Variants in MAP3K1 observed in about 807,000 individuals in gnomAD.
The protein encoded by MAP3K1 is mitogen-activated protein kinase kinase kinase 1, also known as MAP/ERK kinase kinase 1.
A neutral mutation model predicts 144.2 loss-of-function variants in MAP3K1; 36 were observed. The ratio of observed to expected loss-of-function variants is 0.25; its 90% confidence interval spans 0.19 to 0.33. MAP3K1 has a LOEUF of 0.33. MAP3K1 is among the 10% of genes least tolerant of loss of function. The pLI, the probability that MAP3K1 is intolerant of heterozygous loss-of-function variation, is 1.00. For missense variants in MAP3K1, 1,650 were observed against 1,881.9 expected (o/e 0.88, Z 2.28); for synonymous variants, 718 against 688.7 (o/e 1.04, Z -0.67).
At chr5:56,864,217 C>T (rs148782350) in intron 3 of MAP3K1, among the ~76,000 whole-genome samples, 3 of 152,090 alleles carry the variant, frequency 2.0e-5, no homozygotes, top group Admixed American at 6.5e-5. Context: ...AGATATTTAT[C>T]AACATTTATG....
intron 1 of MAP3K1, among the ~76,000 whole-genome samples, chr5:56,816,335 G>A (rs560260859): frequency 6.6e-6 from 1 of 152,220 alleles, no homozygotes; most frequent in Admixed American, 6.5e-5. Flanking sequence ...GTTGCGAAAA[G>A]GTGTAGGGGG....
intron 16 of MAP3K1, 91 bp from the exon 17 acceptor site, chr5:56,885,841 G>A: frequency 2.9e-6 from 3 of 1,026,314 alleles, no homozygotes; most frequent in Non-Finnish European, 4.6e-6. Context: ...GTGAATGTGA[G>A]TTCATGCAGT....
chr5:56,831,517 A>G (rs1746492677), intron 1 of MAP3K1, among the ~76,000 whole-genome samples: 1 of 152,186 alleles, frequency 6.6e-6, no homozygotes, highest in Non-Finnish European at 1.5e-5. Flanking sequence ...TTGTAATTCG[A>G]GTTTAATCAG....
chr5:56,830,883 C>CTT (rs1284255088), intron 1 of MAP3K1, among the ~76,000 whole-genome samples: 1 of 145,534 alleles, frequency 6.9e-6, no homozygotes, highest in African/African-American at 2.6e-5. Flanking sequence ...TTGTCATTTA[C>CTT]TGTTTTTTTT....
chr5:56,888,362 T>C lies in MAP3K1; in HGVS notation c.4389+5T>C. On this transcript the variant is annotated splice_donor_5th_base_variant and intron_variant, in intron 19 of 19. Coordinates refer to ENST00000399503, the MANE Select transcript of MAP3K1 (RefSeq NM_005921.2). ...CATCTTGCTTTGATATTTAAGGTAA[T>C]TGTGAGATAAAAATTACTTCTTTGT... is the stretch of plus-strand genomic sequence containing the variant. The C allele has an allele frequency of 1.2e-6, 2 of 1,613,798 alleles. No individual in the cohort carries two copies. Among genetic ancestry groups the C allele is most frequent in the Non-Finnish European group, 1.7e-6 (2 of 1,179,860 alleles).
chr5:56,883,359 A>G (rs1748285585), intron 14 of MAP3K1, among the ~76,000 whole-genome samples, 168 bp from the exon 15 acceptor site: 1 of 152,268 alleles, frequency 6.6e-6, no homozygotes, highest in Non-Finnish European at 1.5e-5. Flanking sequence ...TAATTGTATA[A>G]TGGTGATTAC....
In MAP3K1 at chr5:56,881,271, A is replaced by G. The variant is rs1460575616; in HGVS notation, c.2368A>G (p.Arg790Gly). The G allele has an allele frequency of 6.2e-7, 1 of 1,612,014 alleles. No individual in the cohort carries two copies. Among genetic ancestry groups the G allele is most frequent in the Non-Finnish European group, 8.5e-7 (1 of 1,178,870 alleles). The change falls in exon 13 of 20, where the codon AGG (arginine) becomes GGG (glycine). Residue 790 changes from arginine (R) to glycine (G), a missense_variant and splice_region_variant. Arg to Gly is a moderately radical substitution (Grantham distance 125, BLOSUM62 -2). Coordinates refer to ENST00000399503, the MANE Select transcript of MAP3K1 (RefSeq NM_005921.2). ...TTCACAAGCTGAGCCTGTTGAAATCAGGTAATTTTTCTTCTGAAAATGTAT... is the reference window on the plus strand; with the variant it reads ...TTCACAAGCTGAGCCTGTTGAAATCGGGTAATTTTTCTTCTGAAAATGTAT... ...DVSQAEPVEI[R>G]YKKLLSLLTF...
chr5:56,831,184 G>GTT (rs5868030), intron 1 of MAP3K1, among the ~76,000 whole-genome samples: 5 of 136,336 alleles, frequency 3.7e-5, no homozygotes, highest in African/African-American at 8.2e-5. Context: ...AAAATGTTGG[G>GTT]TTTTTTTTTT....
intron 18 of MAP3K1, 140 bp downstream of exon 18, chr5:56,887,660 A>T: frequency 1.1e-6 from 1 of 901,940 alleles, no homozygotes; most frequent in Non-Finnish European, 1.8e-6. Flanking sequence ...GGTTTTAATA[A>T]TATCTTTCAG....
chr5:56,820,810 T>C (rs1188882768), intron 1 of MAP3K1: 5 of 985,208 alleles, frequency 5.1e-6, no homozygotes, highest in African/African-American at 3.5e-5. Flanking sequence ...ACAAGCTGTT[T>C]CTGTCGGTAG....
chr5:56,836,668 G>A (rs890566027), intron 1 of MAP3K1, among the ~76,000 whole-genome samples: 2 of 152,144 alleles, frequency 1.3e-5, no homozygotes, highest in African/African-American at 2.4e-5. Context: ...GTTTTGTCTT[G>A]TGTATGTGAC....
At chr5:56,817,192 T>G in intron 1 of MAP3K1, 2 of 639,430 alleles carry the variant, frequency 3.1e-6, no homozygotes, top group Non-Finnish European at 3.9e-6. Context: ...GAAATTCTTT[T>G]AAGTGTGACA....
At chr5:56,861,494 A>T (rs1301846583) in intron 3 of MAP3K1, among the ~76,000 whole-genome samples, 3 of 148,074 alleles carry the variant, frequency 2.0e-5, no homozygotes. Flanking sequence ...AATGGCTTGA[A>T]CCCGGGAGGC....
rs1024359996 is a variant in MAP3K1 at position 56,815,785 on chromosome 5, A to G, written c.212A>G (p.Asp71Gly). Reference sequence around the variant, plus strand: ...CGCAAAGTGCGGAGTGTGGAGCTGGACCAGCTGCCTGAGCAGCCGCTCTTC... The same window carrying G: ...CGCAAAGTGCGGAGTGTGGAGCTGGGCCAGCTGCCTGAGCAGCCGCTCTTC... ...QLRKVRSVEL[D>G]QLPEQPLFLA... The change falls in exon 1 of 20, where the codon GAC becomes GGC. Residue 71 changes from aspartate (D) to glycine (G), a missense_variant. This residue lies in a region of MAP3K1 where 360 missense variants were observed against 274.7 expected (regional missense o/e 1.31). Coordinates refer to ENST00000399503, the MANE Select transcript of MAP3K1 (RefSeq NM_005921.2). 5 of 1,420,238 alleles carry G rather than the reference A, an allele frequency of 3.5e-6. No individual in the cohort carries two copies. In the African/African-American group the frequency reaches 4.4e-5, roughly 13 times the overall value. 88.0% of individuals were successfully genotyped at this position (1,420,238 alleles called of 1,614,324 possible).
In MAP3K1 at chr5:56,894,990, T is replaced by C; in HGVS notation, c.*1310T>C. 4.3e-6 allele frequency: 1 copy of C among 232,018 alleles called. No homozygotes were observed. The highest frequency in any genetic ancestry group is 8.5e-6 in the Non-Finnish European group (1 of 117,304). The allele number at this position is 232,018 out of a possible 1,614,324, so 14.4% of individuals were successfully genotyped here. A position where few individuals can be genotyped will look rare whatever the true frequency, so the allele number is the denominator to read the frequency against. ...TAGCTTTTTAATCTTTTTGTGTGTG[T>C]GTGAGTCTTTTAAATCAAGTACTGA... On this transcript the variant is annotated 3_prime_UTR_variant, in exon 20 of 20. Coordinates refer to ENST00000399503, the MANE Select transcript of MAP3K1 (RefSeq NM_005921.2).
At chr5:56,853,452 G>T (rs1747238195) in intron 1 of MAP3K1, among the ~76,000 whole-genome samples, 1 of 152,188 alleles carries the variant, frequency 6.6e-6, no homozygotes, top group Non-Finnish European at 1.5e-5. Context: ...AGGACTGCCA[G>T]AGTTAATAAG....
At chr5:56,892,290 C>T (rs1048373193) in intron 19 of MAP3K1, among the ~76,000 whole-genome samples, 1 of 152,102 alleles carries the variant, frequency 6.6e-6, no homozygotes, top group African/African-American at 2.4e-5. Context: ...CTCTTTGAAG[C>T]AATTGTGAAT....
At position 56,882,872 on chromosome 5, in the gene MAP3K1, T is replaced by C. The variant is rs1748267800; in HGVS notation, c.3666+6T>C. ...TCATCATTATTCAACAGGATGTAAG[T>C]ATAGATTCTTTAAGAGGTTAGAAAA... is the stretch of plus-strand genomic sequence containing the variant. On this transcript the variant is annotated splice_donor_region_variant and intron_variant, in intron 14 of 19. Transcript: ENST00000399503. 4 of 1,602,528 alleles carry C rather than the reference T, an allele frequency of 2.5e-6. No homozygotes were observed. The highest frequency in any genetic ancestry group is 2.6e-6 in the Non-Finnish European group (3 of 1,176,470).
chr5:56,883,201 T>C (rs1238496180), intron 14 of MAP3K1, among the ~76,000 whole-genome samples: 2 of 152,136 alleles, frequency 1.3e-5, no homozygotes, highest in Non-Finnish European at 2.9e-5. Flanking sequence ...ACAGAGAGCT[T>C]CCTTGGACCA....
Sources: gnomAD v4.1 joint callset for allele counts (sites outside exome capture counted in the v4.1 genomes callset) on GRCh38, gnomAD v4.1.1 for gene constraint, gnomAD v4.1.1 regional missense constraint, MANE v1.5 for transcripts, NCBI Gene and HGNC (gene_info 2026-07-23, HGNC 2026-07-21) for gene names.